Variants in TRUB1 observed in about 807,000 individuals in gnomAD.
TRUB1 encodes the protein pseudouridylate synthase TRUB1.
In TRUB1, 23 loss-of-function variants were observed where a neutral mutation model predicts 33.9. The ratio of observed to expected loss-of-function variants is 0.68; its 90% CI spans 0.49 to 0.96. TRUB1 has a LOEUF of 0.96. Among genes scored for constraint, TRUB1 ranks in the 40% least tolerant of loss-of-function variants. TRUB1 has a pLI of 0.00. For synonymous variants in TRUB1, 163 were observed against 165.4 expected (o/e 0.99, Z 0.11); for missense variants, 378 against 422.2 (o/e 0.90, Z 0.92).
At chr10:114,973,458 G>T (rs2084345826) in intron 6 of TRUB1, among the ~76,000 whole-genome samples, 1 of 152,140 alleles carries the variant, frequency 6.6e-6, no homozygotes, top group Non-Finnish European at 1.5e-5. Flanking sequence ...TTCAGCAGTG[G>T]CCCCCAACCA....
At chr10:114,961,995 A>G (rs1297105558) in intron 4 of TRUB1, among the ~76,000 whole-genome samples, 2 of 152,262 alleles carry the variant, frequency 1.3e-5, no homozygotes, top group Admixed American at 6.5e-5. Flanking sequence ...AGAAAAATCA[A>G]TATGATGTAG....
intron 4 of TRUB1, among the ~76,000 whole-genome samples, chr10:114,969,727 T>A (rs2084326963): frequency 7.0e-6 from 1 of 143,452 alleles, no homozygotes. Flanking sequence ...TGAGGCCGGC[T>A]GGGAGTGTTC....
chr10:114,972,945 G>T (rs1167939798), intron 6 of TRUB1, among the ~76,000 whole-genome samples: 2 of 152,158 alleles, frequency 1.3e-5, no homozygotes, highest in Admixed American at 6.6e-5. Context: ...AAACATGTAA[G>T]ATCTGTGAAG....
intron 4 of TRUB1, among the ~76,000 whole-genome samples, chr10:114,960,692 AT>A (rs1197772168): frequency 6.6e-6 from 1 of 152,092 alleles, no homozygotes; most frequent in East Asian, 1.9e-4. Flanking sequence ...AAAATTACTG[AT>A]TGATTTCAAG....
rs548155933 is a variant in TRUB1 at position 114,959,670 on chromosome 10, A to G, written c.442-56A>G. ...ATTCTGTGTAAACTTCAAGACATGC[A>G]TAACAGTTTTTGTTTGCCTCACGGC... On this transcript the variant is annotated intron_variant, in intron 3 of 7. Transcript: ENST00000298746. 20 of 1,100,528 alleles carry G rather than the reference A, an allele frequency of 1.8e-5. No individual in the cohort carries two copies. In the East Asian group the frequency reaches 2.6e-4, roughly 14 times the overall value. 68.2% of individuals were successfully genotyped at this position (1,100,528 alleles called of 1,614,324 possible). A position where few individuals can be genotyped will look rare whatever the true frequency, so the allele number is the denominator to read the frequency against.
chr10:114,968,533 A>G (rs2084320938), intron 4 of TRUB1, among the ~76,000 whole-genome samples: 1 of 152,054 alleles, frequency 6.6e-6, no homozygotes, highest in African/African-American at 2.4e-5. Flanking sequence ...TAATGTCTTA[A>G]TGTTGCTGTA....
At chr10:114,973,852 G>T (rs2084347322) in intron 6 of TRUB1, among the ~76,000 whole-genome samples, 1 of 151,988 alleles carries the variant, frequency 6.6e-6, no homozygotes, top group Non-Finnish European at 1.5e-5. Context: ...AGGGGTTTTT[G>T]GTTGGTTGGT....
chr10:114,970,394 G>A lies in TRUB1; in HGVS notation c.550G>A (p.Gly184Ser). The A allele has an allele frequency of 6.2e-7, 1 of 1,612,092 alleles. No homozygotes were observed. The highest frequency in any genetic ancestry group is 8.5e-7 in the Non-Finnish European group (1 of 1,178,728). Residue 184 changes from glycine (G) to serine (S), a missense_variant, in exon 5 of 8, where the codon GGC becomes AGC. Gly to Ser is a moderately conservative substitution (Grantham distance 56). Transcript: ENST00000298746. The stretch of plus-strand genomic sequence containing the variant: ...TAAAATAACACAAGAAGATATTGAA[G>A]GCATTCTACAGAAATTTACTGGAAA... ...YDKITQEDIE[G>S]ILQKFTGNIM... is the part of the protein sequence containing the mutation.
intron 1 of TRUB1, among the ~76,000 whole-genome samples, chr10:114,940,351 C>A (rs1296857678): frequency 6.6e-6 from 1 of 152,074 alleles, no homozygotes; most frequent in East Asian, 1.9e-4. Context: ...GAACTCCCGA[C>A]CTCAGGTGAT....
At chr10:114,949,058 TC>T (rs1360306138) in intron 2 of TRUB1, among the ~76,000 whole-genome samples, 1 of 152,250 alleles carries the variant, frequency 6.6e-6, no homozygotes, top group Non-Finnish European at 1.5e-5. Flanking sequence ...CTCTCTCTGT[TC>T]ATTTGACACT....
chr10:114,973,616 G>T (rs1284675752), intron 6 of TRUB1, among the ~76,000 whole-genome samples: 1 of 152,176 alleles, frequency 6.6e-6, no homozygotes, highest in African/African-American at 2.4e-5. Context: ...CTCTTTTCAG[G>T]AAGTCTTGCT....
chr10:114,952,075 C>A (rs2084238124), intron 3 of TRUB1, among the ~76,000 whole-genome samples: 1 of 152,150 alleles, frequency 6.6e-6, no homozygotes, highest in South Asian at 2.1e-4. Flanking sequence ...TACGCAATCT[C>A]ATTTTCTGAA....
intron 1 of TRUB1, among the ~76,000 whole-genome samples, chr10:114,941,781 GTTTA>G (rs1314380691): frequency 4.0e-5 from 6 of 151,746 alleles, no homozygotes; most frequent in Admixed American, 6.6e-5. Context: ...CGCTTCCTTT[GTTTA>G]TTTATTTATT....
Position 114,938,337 on chromosome 10 carries a change from C to T in TRUB1, c.84C>T (p.Val28=). 1 of 1,612,154 alleles carries T rather than the reference C, an allele frequency of 6.2e-7. No individual in the cohort carries two copies. Among genetic ancestry groups the T allele is most frequent in the Non-Finnish European group, 8.5e-7 (1 of 1,179,192 alleles). Residue 28 remains valine, a synonymous_variant, in exon 1 of 8, where the codon GTC becomes GTT. Transcript: ENST00000298746. ...CTGTCCTTGAAACTGCAGGAACGGT[C>T]GCAGCAATGGCTGCGACCCCGTCAG... ...TSPVLETAGT[V]AAMAATPSAR...
intron 6 of TRUB1, among the ~76,000 whole-genome samples, chr10:114,972,634 ATTTTGGCTAGTACC>A (rs2084342743): frequency 6.6e-6 from 1 of 152,106 alleles, no homozygotes; most frequent in East Asian, 1.9e-4. Context: ...TTTTCCTCCC[ATTTTGGCTAGTACC>A]TAATACATTC....
chr10:114,974,276 A>G, intron 6 of TRUB1, 53 bp from the exon 7 acceptor site: 1 of 1,348,648 alleles, frequency 7.4e-7, no homozygotes, highest in East Asian at 2.3e-5. Context: ...TTTCTATGTA[A>G]AGTGGATTTC....
At chr10:114,950,022 C>G (rs1348897145) in intron 2 of TRUB1, among the ~76,000 whole-genome samples, 1 of 151,816 alleles carries the variant, frequency 6.6e-6, no homozygotes, top group Non-Finnish European at 1.5e-5. Context: ...CCTTAGCCTC[C>G]CAAGTAGCTG....
intron 4 of TRUB1, among the ~76,000 whole-genome samples, chr10:114,969,997 A>T (rs2084328212): frequency 1.3e-5 from 2 of 152,168 alleles, no homozygotes; most frequent in African/African-American, 4.8e-5. Context: ...TGCTGCTTGT[A>T]TTCTGATCAC....
At chr10:114,956,822 A>G (rs545328358) in intron 3 of TRUB1, among the ~76,000 whole-genome samples, 2 of 152,306 alleles carry the variant, frequency 1.3e-5, no homozygotes, top group East Asian at 3.9e-4. Context: ...AGGCAGATAT[A>G]ACATGTTTTT....
Sources: gnomAD v4.1 joint callset for allele counts (sites outside exome capture counted in the v4.1 genomes callset) on GRCh38, gnomAD v4.1.1 for gene constraint, MANE v1.5 for transcripts, NCBI Gene and HGNC (gene_info 2026-07-23, HGNC 2026-07-21) for gene names.